PTPN11: variants seen among roughly 807,000 people sequenced by gnomAD.
PTPN11 encodes tyrosine-protein phosphatase non-receptor type 11.
In PTPN11, 6 loss-of-function variants were observed where a neutral mutation model predicts 78.8. That is an observed-to-expected ratio of 0.08 (90% confidence interval 0.04 to 0.15). The LOEUF is 0.15. Ranked by LOEUF, PTPN11 falls within the 10% of genes least tolerant of loss-of-function variation. PTPN11 has a pLI of 1.00. For synonymous variants in PTPN11, 221 were observed against 263.5 expected, an observed-to-expected ratio of 0.84 and a Z score of 1.56; for missense variants, 386 against 744.8, an observed-to-expected ratio of 0.52 and a Z score of 5.61.
At position 112,453,323 on chromosome 12, in the gene PTPN11, G is replaced by C. The variant is rs376027245; in HGVS notation, c.461G>C (p.Gly154Ala). Residue 154 changes from glycine to alanine, a missense_variant, in exon 4 of 16, where the codon GGT becomes GCT. Coordinates refer to ENST00000351677, the MANE Select transcript of PTPN11 (RefSeq NM_002834.5). ...PGDFVLSVRT[G>A]DDKGESNDGK... Reference sequence around the variant, plus strand: ...GATTTTGTTCTTTCTGTGCGCACTGGTGATGACAAAGGGGAGAGCAATGAC... The same window carrying C: ...GATTTTGTTCTTTCTGTGCGCACTGCTGATGACAAAGGGGAGAGCAATGAC... 5.0e-6 allele frequency: 8 copies of C among 1,613,988 alleles called. No individual in the cohort carries two copies. The African/African-American group carries it at 9.3e-5, about 19-fold the overall frequency.
chr12:112,446,135 G>A, intron 1 of PTPN11, 141 bp from the exon 2 acceptor site: 1 of 1,037,622 alleles, frequency 9.6e-7, no homozygotes, highest in Non-Finnish European at 1.4e-6. Context: ...AGGAGAAGAG[G>A]GGGAAGGGAC....
intron 1 of PTPN11, among the ~76,000 whole-genome samples, chr12:112,423,751 T>TTC (rs1475716684): frequency 6.7e-6 from 1 of 149,334 alleles, no homozygotes; most frequent in African/African-American, 2.5e-5. Flanking sequence ...TTTTTTTTTT[T>TTC]TTTTTTTTTT....
At chr12:112,454,810 T>G (rs2038130348) in intron 5 of PTPN11, 130 bp downstream of exon 5, 1 of 656,284 alleles carries the variant, frequency 1.5e-6, no homozygotes, top group Admixed American at 2.1e-5. Flanking sequence ...CAGCTTCAAC[T>G]ATCAAATCTT....
intron 6 of PTPN11, among the ~76,000 whole-genome samples, chr12:112,465,037 C>T (rs926538191): frequency 6.6e-6 from 1 of 152,056 alleles, no homozygotes; most frequent in African/African-American, 2.4e-5. Context: ...ATGAAAAGGC[C>T]GGTTATAATT....
intron 5 of PTPN11, 98 bp from the exon 6 acceptor site, chr12:112,455,852 T>C: frequency 1.3e-6 from 1 of 780,560 alleles, no homozygotes; most frequent in Non-Finnish European, 2.2e-6. Context: ...CGTGCCTTTA[T>C]GAATATCAAC....
At chr12:112,460,471 T>C (rs948038026) in intron 6 of PTPN11, among the ~76,000 whole-genome samples, 3 of 152,180 alleles carry the variant, frequency 2.0e-5, no homozygotes, top group Non-Finnish European at 4.4e-5. Flanking sequence ...TGTCTTATAA[T>C]TTAAAAATAT....
intron 11 of PTPN11, among the ~76,000 whole-genome samples, chr12:112,488,224 C>T (rs1350885201): frequency 1.3e-5 from 2 of 152,176 alleles, no homozygotes; most frequent in Non-Finnish European, 2.9e-5. Context: ...GGACTTACCT[C>T]AGGCACGTTG....
chr12:112,456,788 G>T (rs2038168710), intron 6 of PTPN11, among the ~76,000 whole-genome samples: 1 of 151,730 alleles, frequency 6.6e-6, no homozygotes. Flanking sequence ...TAGAGATGGG[G>T]TTTTGCAGTG....
rs1417932429 is a variant in PTPN11 at position 112,504,954 on chromosome 12, G to A, written c.*32+158G>A. 6.6e-6 allele frequency among the ~76,000 whole-genome samples: 1 copy of A among 152,110 alleles called. No homozygotes were observed. The highest frequency in any genetic ancestry group is 6.6e-5 in the Admixed American group (1 of 15,264). On this transcript the variant is annotated intron_variant, in intron 15 of 15. Coordinates refer to ENST00000351677, the MANE Select transcript of PTPN11 (RefSeq NM_002834.5). The surrounding 1 kb of genome is among the most constrained non-coding windows in gnomAD (Gnocchi z 4.7). Reference sequence around the variant, plus strand: ...CTCCCTGTACTTCTTTTTCCAAGATGGTTTTAGTTTAGAGTTCATTAAACA... The same window carrying A: ...CTCCCTGTACTTCTTTTTCCAAGATAGTTTTAGTTTAGAGTTCATTAAACA...
rs1566162767 is a variant in PTPN11 at position 112,442,868 on chromosome 12, AT to A, written c.15-3407del. Reference sequence around the variant, plus strand: ...TATATATATATATATATATATATATATATATATATAAATTATATATACACTA... The same window carrying A: ...TATATATATATATATATATATATATAATATATATAAATTATATATACACTA... On this transcript the variant is annotated intron_variant, in intron 1 of 15. Transcript: ENST00000351677. Among the ~76,000 whole-genome samples, 140 of 87,622 alleles carry A rather than the reference AT, an allele frequency of 1.6e-3. 2 individuals are homozygous for A. The highest frequency in any genetic ancestry group is 6.4e-3 in the African/African-American group (130 of 20,166). The allele number at this position is 87,622 out of a possible 152,430, so 57.5% of individuals were successfully genotyped here.
intron 6 of PTPN11, among the ~76,000 whole-genome samples, chr12:112,462,572 G>C (rs1217519993): frequency 6.6e-6 from 1 of 151,988 alleles, no homozygotes; most frequent in Admixed American, 6.6e-5. Flanking sequence ...TTCTATCCTT[G>C]TCCTTTCCTA....
chr12:112,432,197 T>G (rs1168403293), intron 1 of PTPN11, among the ~76,000 whole-genome samples: 1 of 152,162 alleles, frequency 6.6e-6, no homozygotes, highest in Non-Finnish European at 1.5e-5. Flanking sequence ...ATGTATGTAG[T>G]ATTGGCACAA....
At chr12:112,437,788 G>A (rs1178493027) in intron 1 of PTPN11, among the ~76,000 whole-genome samples, 1 of 152,136 alleles carries the variant, frequency 6.6e-6, no homozygotes, top group Non-Finnish European at 1.5e-5. Flanking sequence ...TTTCTGTGCG[G>A]TAGTTCCTTA....
intron 9 of PTPN11, among the ~76,000 whole-genome samples, chr12:112,479,484 C>T (rs2038560812): frequency 6.6e-6 from 1 of 152,144 alleles, no homozygotes; most frequent in Non-Finnish European, 1.5e-5. Flanking sequence ...CATTGTTGTA[C>T]TCCTAGTTGG....
chr12:112,419,912 T>G (rs896903620), intron 1 of PTPN11, among the ~76,000 whole-genome samples: 1 of 152,212 alleles, frequency 6.6e-6, no homozygotes, highest in Non-Finnish European at 1.5e-5. Flanking sequence ...GTTAATGAGA[T>G]CCTTTGAAAG....
intron 9 of PTPN11, 87 bp from the exon 10 acceptor site, chr12:112,481,987 C>A: frequency 7.1e-7 from 1 of 1,406,784 alleles, no homozygotes; most frequent in Non-Finnish European, 1.0e-6. Context: ...GGTTATTAAG[C>A]AAGACTTGAA....
intron 10 of PTPN11, among the ~76,000 whole-genome samples, chr12:112,484,397 T>C (rs1234374004): frequency 1.3e-5 from 2 of 152,054 alleles, no homozygotes; most frequent in Non-Finnish European, 2.9e-5. Context: ...GGGCTTTGCA[T>C]AGTTGCAGTG....
At position 112,482,204 on chromosome 12, in the gene PTPN11, A is replaced by G. The variant is rs2038607572; in HGVS notation, c.1223A>G (p.Gln408Arg). 7.4e-6 allele frequency: 12 copies of G among 1,613,098 alleles called. No homozygotes were observed. Among genetic ancestry groups the G allele is most frequent in the East Asian group, 4.5e-5 (2 of 44,850 alleles). ...LRELKLSKVGQGNTERTVWQY... is the reference protein window; with the variant it reads ...LRELKLSKVGRGNTERTVWQY... ...GAACTTAAACTTTCAAAGGTTGGAC[A>G]AGTAAGTATATTGTCGTATTCTAGA... Residue 408 changes from glutamine to arginine, a missense_variant and splice_region_variant, in exon 10 of 16, where the codon CAA becomes CGA. Gln to Arg is a conservative substitution (Grantham distance 43). Coordinates refer to ENST00000351677, the MANE Select transcript of PTPN11 (RefSeq NM_002834.5). The surrounding 1 kb of genome is among the most constrained non-coding windows in gnomAD (Gnocchi z 4.4).
chr12:112,431,945 C>T (rs997259711), intron 1 of PTPN11, among the ~76,000 whole-genome samples: 2 of 151,828 alleles, frequency 1.3e-5, no homozygotes, highest in African/African-American at 4.8e-5. Context: ...GGGAAAAAAA[C>T]CAGAGACAAA....
Sources: allele counts gnomAD v4.1 joint callset (sites outside exome capture counted in the v4.1 genomes callset), GRCh38; gene constraint gnomAD v4.1.1; non-coding constraint Gnocchi (gnomAD v3.1); transcripts MANE v1.5; gene names NCBI Gene and HGNC (gene_info 2026-07-23, HGNC 2026-07-21).